The following PLCXD1 variants were observed in gnomAD, a reference collection of about 807,000 sequenced individuals.
PLCXD1 encodes PI-PLC X domain-containing protein 1.
A neutral mutation model predicts 37.8 loss-of-function variants in PLCXD1; 45 were observed. The observed-to-expected ratio is 1.19, with a 90% confidence interval of 0.94 to 1.53. PLCXD1 has a LOEUF of 1.53. PLCXD1 is among the 40% of genes most tolerant of loss of function. The probability of loss-of-function intolerance (pLI) is 0.00; values close to 1 mark genes in which losing one functional copy is unlikely to be tolerated. For synonymous variants in PLCXD1, 246 were observed against 206.9 expected, an observed-to-expected ratio of 1.19 and a Z score of -1.62; for missense variants, 539 against 454.7, an observed-to-expected ratio of 1.19 and a Z score of -1.69.
In PLCXD1 at chrX:286,277, C is replaced by G. The variant is rs1161184233; in HGVS notation, c.127+1963C>G. On this transcript the variant is annotated intron_variant, in intron 2 of 6. Coordinates refer to ENST00000381657, the MANE Select transcript of PLCXD1 (RefSeq NM_018390.4). ...ATGGGGTTTCACCATGTTGGTCAAG[C>G]TGGTCTCGAACTCCCGACCTCAGGC... 2.0e-5 allele frequency among the ~76,000 whole-genome samples: 3 copies of G among 152,070 alleles called. No individual in the cohort carries two copies. In the East Asian group the frequency reaches 5.8e-4, roughly 29 times the overall value.
intron 6 of PLCXD1, among the ~76,000 whole-genome samples, chrX:295,193 T>G (rs2069765036): frequency 6.6e-6 from 1 of 151,848 alleles, no homozygotes. Context: ...AAGGTAACTT[T>G]TTTGTACGTG....
intron 6 of PLCXD1, 96 bp downstream of exon 6, chrX:293,314 T>A: frequency 1.1e-6 from 1 of 917,078 alleles, no homozygotes; most frequent in Non-Finnish European, 1.7e-6. Flanking sequence ...CACTTTTACG[T>A]GAAAACAATT....
intron 2 of PLCXD1, among the ~76,000 whole-genome samples, chrX:285,322 G>C (rs1304715184): frequency 6.6e-6 from 1 of 151,770 alleles, no homozygotes; most frequent in African/African-American, 2.4e-5. Context: ...ACATGTGCGG[G>C]TGTGTACACA....
At chrX:291,723 G>T in intron 5 of PLCXD1, 69 bp downstream of exon 5, 1 of 1,514,920 alleles carries the variant, frequency 6.6e-7, no homozygotes, top group Admixed American at 1.7e-5. Context: ...GACTCCATTT[G>T]CTGTGCCCTG....
rs765049562 is a variant in PLCXD1, at chrX:299,255, A to G, written c.892A>G (p.Ile298Val). 6.2e-7 allele frequency: 1 copy of G among 1,613,912 alleles called. No homozygotes were observed. The highest frequency in any genetic ancestry group is 1.7e-5 in the Admixed American group (1 of 59,998). The change falls in exon 7 of 7, where the codon ATC (isoleucine) becomes GTC (valine). Residue 298 changes from isoleucine (I) to valine (V), a missense_variant. Coordinates refer to ENST00000381657, the MANE Select transcript of PLCXD1 (RefSeq NM_018390.4). ...CPGPGSRCTN[I>V]IAGDFIGADG... Reference sequence around the variant, plus strand: ...GGGGCCGGGTTCACGGTGCACCAACATCATCGCGGGGGACTTCATCGGCGC... The same window carrying G: ...GGGGCCGGGTTCACGGTGCACCAACGTCATCGCGGGGGACTTCATCGGCGC...
rs1569564446 is a variant in PLCXD1, at chrX:287,442, CACTATATATGTTTATATATAGAATATAT to C, written c.128-1268_128-1241del. Among the ~76,000 whole-genome samples the C allele has an allele frequency of 2.1e-4, 28 of 132,012 alleles. 1 individual carries two copies. Among genetic ancestry groups the C allele is most frequent in the African/African-American group, 6.2e-4 (21 of 33,940 alleles). 86.6% of individuals were successfully genotyped at this position (132,012 alleles called of 152,430 possible). A position where few individuals can be genotyped will look rare whatever the true frequency, so the allele number is the denominator to read the frequency against. ...ATATGTTTATATATAGATATATATACACTATATATGTTTATATATAGAATATATACTATATATGTTTATATATAGATAT... is the reference window on the plus strand; with the variant it reads ...ATATGTTTATATATAGATATATATACACTATATATGTTTATATATAGATAT... On this transcript the variant is annotated intron_variant, in intron 2 of 6. Transcript: ENST00000381657.
In PLCXD1 at chrX:292,982, G is replaced by A. The variant is rs1376255206; in HGVS notation, c.550-53G>A. 4 of 1,283,652 alleles carry A rather than the reference G, an allele frequency of 3.1e-6. No homozygotes were observed. In the African/African-American group the frequency reaches 4.4e-5, roughly 14 times the overall value. The allele number at this position is 1,283,652 out of a possible 1,614,324, so 79.5% of individuals were successfully genotyped here. On this transcript the variant is annotated intron_variant, in intron 5 of 6. Coordinates refer to ENST00000381657, the MANE Select transcript of PLCXD1 (RefSeq NM_018390.4). ...ACTTCCCAGCCCTCCGCTCTCCCAGGTGCCCCCGGCTCTCCTCTCTCCCCT... is the reference window on the plus strand; with the variant it reads ...ACTTCCCAGCCCTCCGCTCTCCCAGATGCCCCCGGCTCTCCTCTCTCCCCT...
rs973616736 is a variant in PLCXD1, at chrX:299,659, A to C, written c.*324A>C. 1 of 455,944 alleles carries C rather than the reference A, an allele frequency of 2.2e-6. No individual in the cohort carries two copies. Among genetic ancestry groups the C allele is most frequent in the African/African-American group, 2.0e-5 (1 of 50,854 alleles). 28.2% of individuals were successfully genotyped at this position (455,944 alleles called of 1,614,324 possible). On this transcript the variant is annotated 3_prime_UTR_variant, in exon 7 of 7. Transcript: ENST00000381657. ...GTAGTCCCAGTTACTCGGGAGGCTC[A>C]GGCAGGAGAACTGCTTGAAGCCGGG...
chrX:293,318 A>G, intron 6 of PLCXD1, 100 bp downstream of exon 6: 1 of 894,108 alleles, frequency 1.1e-6, no homozygotes, highest in South Asian at 1.6e-5. Flanking sequence ...TTTACGTGAA[A>G]ACAATTTAAA....
intron 2 of PLCXD1, among the ~76,000 whole-genome samples, chrX:286,972 TTAAAGGGGGTCCACGTTCCTCAGAGGATG>T (rs2069466527): frequency 6.6e-6 from 1 of 151,612 alleles, no homozygotes; most frequent in Non-Finnish European, 1.5e-5. Flanking sequence ...GTCTGGGGAT[TTAAAGGGGGTCCACGTTCCTCAGAGGATG>T]TAAAGGGGCT....
At position 293,165 on chromosome X, in the gene PLCXD1, A is replaced by G; in HGVS notation, c.680A>G (p.Lys227Arg). Residue 227 changes from lysine (K) to arginine (R), a missense_variant, in exon 6 of 7, where the codon AAG becomes AGG. By Grantham distance (26) the Lys-to-Arg change is conservative. Coordinates refer to ENST00000381657, the MANE Select transcript of PLCXD1 (RefSeq NM_018390.4). ...CCCTACTGGTGGGGAAACAGGGTGAAGACCGAGGCCCTCATCCGATACCTG... is the reference window on the plus strand; with the variant it reads ...CCCTACTGGTGGGGAAACAGGGTGAGGACCGAGGCCCTCATCCGATACCTG... ...GVPYWWGNRV[K>R]TEALIRYLET... 1 of 1,612,804 alleles carries G rather than the reference A, an allele frequency of 6.2e-7. No homozygotes were observed. The highest frequency in any genetic ancestry group is 8.5e-7 in the Non-Finnish European group (1 of 1,179,772).
intron 4 of PLCXD1, among the ~76,000 whole-genome samples, chrX:291,297 C>A (rs1464973215): frequency 6.6e-6 from 1 of 152,036 alleles, no homozygotes; most frequent in Non-Finnish European, 1.5e-5. Flanking sequence ...AGACGCCGGA[C>A]ACCACGCCCA....
Position 299,215 on chromosome X carries a change from C to T in PLCXD1, c.852C>T (p.Val284=), listed in dbSNP as rs760603058. The T allele has an allele frequency of 1.5e-5, 24 of 1,613,748 alleles. No homozygotes were observed. Among genetic ancestry groups the T allele is most frequent in the Non-Finnish European group, 2.0e-5 (24 of 1,179,838 alleles). Residue 284 remains valine (V), a synonymous_variant, in exon 7 of 7, where the codon GTC becomes GTT. Transcript: ENST00000381657. ...ACCTTCCGCGGCTGAGCGCGTGGGT[C>T]CGAGAGCAGTGCCCGGGGCCGGGTT... is the stretch of plus-strand genomic sequence containing the variant. ...LPNLPRLSAW[V]REQCPGPGSR...
intron 2 of PLCXD1, among the ~76,000 whole-genome samples, chrX:284,613 CAT>C (rs1424566512): frequency 5.2e-5 from 7 of 133,954 alleles, no homozygotes; most frequent in East Asian, 4.6e-4. Flanking sequence ...CACACGCACA[CAT>C]GCACATCTGC....
chrX:299,446 A>G lies in PLCXD1; in HGVS notation c.*111A>G. 2.4e-6 allele frequency: 2 copies of G among 825,826 alleles called. No homozygotes were observed. Among genetic ancestry groups the G allele is most frequent in the Non-Finnish European group, 4.1e-6 (2 of 486,186 alleles). 51.2% of individuals were successfully genotyped at this position (825,826 alleles called of 1,614,324 possible). ...TGGTGATCATAGGACCGATGATAATACGTTTTCATTTTCTTTAAAATAGAG... is the reference window on the plus strand; with the variant it reads ...TGGTGATCATAGGACCGATGATAATGCGTTTTCATTTTCTTTAAAATAGAG... On this transcript the variant is annotated 3_prime_UTR_variant, in exon 7 of 7. Coordinates refer to ENST00000381657, the MANE Select transcript of PLCXD1 (RefSeq NM_018390.4).
intron 2 of PLCXD1, among the ~76,000 whole-genome samples, chrX:284,761 G>C (rs1423637344): frequency 9.9e-6 from 1 of 101,340 alleles, no homozygotes; most frequent in African/African-American, 3.4e-5. Flanking sequence ...ATTTATAAAA[G>C]AGGTTTAATG....
chrX:286,671 C>T (rs1346110913), intron 2 of PLCXD1, among the ~76,000 whole-genome samples: 2 of 152,042 alleles, frequency 1.3e-5, no homozygotes, highest in African/African-American at 4.8e-5. Context: ...GCTAACAGAA[C>T]AGAAAGTTTT....
chrX:287,440 TAC>T (rs1472314034), intron 2 of PLCXD1, among the ~76,000 whole-genome samples: 3 of 137,300 alleles, frequency 2.2e-5, no homozygotes, highest in Non-Finnish European at 4.6e-5. Context: ...TAGATATATA[TAC>T]ACTATATATG....
At chrX:294,194 G>C (rs1383601052) in intron 6 of PLCXD1, among the ~76,000 whole-genome samples, 2 of 151,958 alleles carry the variant, frequency 1.3e-5, no homozygotes, top group East Asian at 1.9e-4. Flanking sequence ...AAAAATTAGC[G>C]GGCACAGGCC....
Sources: allele counts gnomAD v4.1 joint callset (sites outside exome capture counted in the v4.1 genomes callset), GRCh38; gene constraint gnomAD v4.1.1; transcripts MANE v1.5; gene names NCBI Gene and HGNC (gene_info 2026-07-23, HGNC 2026-07-21).